DEPDC5: variants seen among roughly 807,000 people sequenced by gnomAD.
The protein encoded by DEPDC5 is DEP domain containing 5, GATOR1 subcomplex subunit, also known as GATOR1 complex protein DEPDC5.
Under a neutral mutation model 217.3 loss-of-function variants are expected in DEPDC5, and 73 were observed. That is an observed-to-expected ratio of 0.34 (90% CI 0.28 to 0.41). The LOEUF (loss-of-function observed/expected upper bound fraction) is 0.41, where lower values mean the gene tolerates loss of function less well. Ranked by LOEUF, DEPDC5 falls within the 10% of genes least tolerant of loss-of-function variation. DEPDC5 has a pLI of 1.00. For synonymous variants in DEPDC5, 733 were observed against 756.7 expected (o/e 0.97, Z 0.51); for missense variants, 1,675 against 2,070.1 (o/e 0.81, Z 3.70).
intron 38 of DEPDC5, chr22:31,891,023 A>G (rs1339197420): frequency 9.4e-6 from 2 of 213,016 alleles, no homozygotes; most frequent in Non-Finnish European, 1.9e-5. Context: ...CGGCTAAAAA[A>G]TGAATTTTAT....
At chr22:31,787,952 A>G (rs1270879638) in intron 10 of DEPDC5, among the ~76,000 whole-genome samples, 2 of 152,154 alleles carry the variant, frequency 1.3e-5, no homozygotes, top group Non-Finnish European at 2.9e-5. Flanking sequence ...ACGAAAAGAA[A>G]AAACCCTAAT....
At chr22:31,874,828 A>G (rs1383583835) in intron 36 of DEPDC5, among the ~76,000 whole-genome samples, 1 of 152,168 alleles carries the variant, frequency 6.6e-6, no homozygotes, top group Non-Finnish European at 1.5e-5. Flanking sequence ...CTCTTAGCAC[A>G]ACAGAATGAA....
intron 33 of DEPDC5, among the ~76,000 whole-genome samples, chr22:31,864,299 G>A (rs1277584316): frequency 6.6e-6 from 1 of 151,032 alleles, no homozygotes; most frequent in Non-Finnish European, 1.5e-5. Flanking sequence ...TAGTAGAAAT[G>A]GGGTTTCACC....
Position 31,907,836 on chromosome 22 carries a change from A to C in DEPDC5, c.*1339A>C, listed in dbSNP as rs2093775638. The C allele has an allele frequency of 6.6e-6, 1 of 152,250 alleles. No individual in the cohort carries two copies. 9.4% of individuals were successfully genotyped at this position (152,250 alleles called of 1,614,324 possible). A position where few individuals can be genotyped will look rare whatever the true frequency, so the allele number is the denominator to read the frequency against. On this transcript the variant is annotated 3_prime_UTR_variant, in exon 43 of 43. Coordinates refer to ENST00000651528, the MANE Select transcript of DEPDC5 (RefSeq NM_001242896.3). ...CTTGCTGTGCCATCTCACCACGTGG[A>C]GTTCATCACAAGCTCTGTTGATTTG... is the stretch of plus-strand genomic sequence containing the variant.
intron 32 of DEPDC5, chr22:31,858,963 C>G (rs933368971): frequency 6.6e-6 from 1 of 151,952 alleles, no homozygotes; most frequent in Non-Finnish European, 1.5e-5. Flanking sequence ...ACTTGTAAAC[C>G]AAACGTTGGC....
intron 38 of DEPDC5, 115 bp from the exon 39 acceptor site, chr22:31,893,467 C>T: frequency 3.9e-6 from 4 of 1,020,260 alleles, no homozygotes; most frequent in Non-Finnish European, 5.3e-6. Context: ...CTGGAATCTG[C>T]AGTTTTCTTT....
At chr22:31,832,185 T>C (rs978771161) in intron 24 of DEPDC5, among the ~76,000 whole-genome samples, 1 of 152,260 alleles carries the variant, frequency 6.6e-6, no homozygotes, top group Non-Finnish European at 1.5e-5. Flanking sequence ...TGAAAGATAA[T>C]TGGGCTGTTT....
intron 38 of DEPDC5, among the ~76,000 whole-genome samples, chr22:31,880,821 G>A (rs945000236): frequency 6.0e-5 from 9 of 150,510 alleles, no homozygotes; most frequent in Admixed American, 2.0e-4. Flanking sequence ...TCGGGAGATC[G>A]AGACCATCCT....
intron 34 of DEPDC5, among the ~76,000 whole-genome samples, chr22:31,872,019 G>A (rs1686841769): frequency 6.6e-6 from 1 of 152,206 alleles, no homozygotes; most frequent in Non-Finnish European, 1.5e-5. Context: ...CTGAAATTCT[G>A]AAACACTTCC....
intron 14 of DEPDC5, among the ~76,000 whole-genome samples, chr22:31,800,863 C>T (rs1179441664): frequency 6.6e-6 from 1 of 151,978 alleles, no homozygotes; most frequent in East Asian, 1.9e-4. Context: ...GTAATCTCAG[C>T]TACTCAGGAG....
chr22:31,826,954 A>G (rs2090201998), intron 24 of DEPDC5, among the ~76,000 whole-genome samples: 1 of 151,030 alleles, frequency 6.6e-6, no homozygotes, highest in African/African-American at 2.4e-5. Flanking sequence ...GATAGAGTAC[A>G]GTGGCTTGAT....
intron 8 of DEPDC5, among the ~76,000 whole-genome samples, chr22:31,780,351 TG>T (rs2084302300): frequency 6.6e-6 from 1 of 152,074 alleles, no homozygotes; most frequent in African/African-American, 2.4e-5. Context: ...ATTTATGAGA[TG>T]GGGAAGACAG....
At chr22:31,782,087 G>T (rs997301968) in intron 8 of DEPDC5, among the ~76,000 whole-genome samples, 3 of 151,452 alleles carry the variant, frequency 2.0e-5, no homozygotes, top group African/African-American at 7.3e-5. Flanking sequence ...TATTTATTAT[G>T]ATAACATTTA....
chr22:31,814,881 AT>A, intron 20 of DEPDC5, 110 bp from the exon 21 acceptor site: 1 of 1,164,748 alleles, frequency 8.6e-7, no homozygotes, highest in Non-Finnish European at 1.3e-6. Flanking sequence ...CACACTGGGG[AT>A]TTTTGTTATT....
At chr22:31,859,929 A>C (rs1387806005) in intron 32 of DEPDC5, among the ~76,000 whole-genome samples, 1 of 152,230 alleles carries the variant, frequency 6.6e-6, no homozygotes, top group Non-Finnish European at 1.5e-5. Context: ...GTTAGAAGGG[A>C]CACAGTGGAA....
At chr22:31,887,643 A>G (rs182198583) in intron 38 of DEPDC5, among the ~76,000 whole-genome samples, 1 of 152,070 alleles carries the variant, frequency 6.6e-6, no homozygotes, top group Middle Eastern at 3.2e-3. Flanking sequence ...TGTGGTTTCC[A>G]TAGTTGTTAC....
intron 33 of DEPDC5, 54 bp downstream of exon 33, chr22:31,861,487 C>G: frequency 1.3e-6 from 2 of 1,538,670 alleles, no homozygotes; most frequent in South Asian, 2.4e-5. Flanking sequence ...ACGCCATGAG[C>G]TGGCCTTCTG....
intron 39 of DEPDC5, among the ~76,000 whole-genome samples, chr22:31,896,373 A>G (rs2093552708): frequency 1.3e-5 from 2 of 152,188 alleles, no homozygotes; most frequent in African/African-American, 4.8e-5. Context: ...TATTTTTGTT[A>G]TGAACATTCC....
At chr22:31,805,588 C>A (rs923871004) in intron 17 of DEPDC5, among the ~76,000 whole-genome samples, 5 of 151,906 alleles carry the variant, frequency 3.3e-5, no homozygotes, top group Non-Finnish European at 7.4e-5. Flanking sequence ...GCAACCTCCA[C>A]CACCCGGGTT....
Sources: gnomAD v4.1 joint callset for allele counts (sites outside exome capture counted in the v4.1 genomes callset) on GRCh38, gnomAD v4.1.1 for gene constraint, MANE v1.5 for transcripts, NCBI Gene and HGNC (gene_info 2026-07-23, HGNC 2026-07-21) for gene names.